Variants in THADA observed in about 807,000 individuals in gnomAD.
THADA encodes the protein tRNA (32-2'-O)-methyltransferase regulator THADA.
In THADA, 213 loss-of-function variants were observed where a neutral mutation model predicts 219.8. The ratio of observed to expected loss-of-function variants is 0.97; its 90% CI spans 0.87 to 1.09. The LOEUF is 1.09. THADA is among the 50% of genes least tolerant of loss of function. The pLI is 0.00. For missense variants in THADA, 2,956 were observed against 2,311.3 expected (o/e 1.28, Z -5.72); for synonymous variants, 1,018 against 828.9 (o/e 1.23, Z -3.92).
rs772903887 is a variant in THADA at position 43,592,052 on chromosome 2, T to A, written c.77-6A>T. ...CCCTTCCACATCAGCAAAAGCTATA[T>A]AACATATACAAAAAAAAATTTTCAA... On this transcript the variant is annotated splice_region_variant and splice_polypyrimidine_tract_variant and intron_variant, in intron 2 of 37. Transcript: ENST00000405975. The A allele has an allele frequency of 3.9e-6, 6 of 1,533,228 alleles. No individual in the cohort carries two copies. The East Asian group carries it at 1.2e-4, about 31-fold the overall frequency. 95.0% of individuals were successfully genotyped at this position (1,533,228 alleles called of 1,614,324 possible).
chr2:43,544,207 G>T (rs967853221), intron 20 of THADA, among the ~76,000 whole-genome samples: 8 of 152,106 alleles, frequency 5.3e-5, no homozygotes, highest in Non-Finnish European at 1.2e-4. Context: ...TTATTTCTGA[G>T]GGCTCTGTTC....
chr2:43,255,934 C>G (rs1307412599), intron 36 of THADA, among the ~76,000 whole-genome samples: 1 of 152,188 alleles, frequency 6.6e-6, no homozygotes, highest in South Asian at 2.1e-4. Context: ...ATGGAGCTGC[C>G]TCCTTTACAG....
In THADA at chr2:43,508,583, GGTTAGGATACAC is replaced by G. The variant is rs1435480416; in HGVS notation, c.3507+53_3507+64del. The G allele has an allele frequency of 1.6e-4, 253 of 1,534,810 alleles. No homozygotes were observed. The East Asian group carries it at 5.6e-3, about 34-fold the overall frequency. On this transcript the variant is annotated intron_variant, in intron 23 of 37. Coordinates refer to ENST00000405975, the MANE Select transcript of THADA (RefSeq NM_022065.5). ...AATACGCTCACTCACACGTCAAACA[GGTTAGGATACAC>G]TATCATCAAAAGACAAATATAAACA...
At chr2:43,551,566 C>A (rs948552829) in intron 19 of THADA, among the ~76,000 whole-genome samples, 1 of 149,316 alleles carries the variant, frequency 6.7e-6, no homozygotes, top group South Asian at 2.1e-4. Context: ...TAGAAGGTAC[C>A]GTGCTCATCC....
chr2:43,505,498 G>A (rs1230762551), intron 24 of THADA, 124 bp downstream of exon 24: 1 of 593,934 alleles, frequency 1.7e-6, no homozygotes, highest in Non-Finnish European at 2.9e-6. Flanking sequence ...AGGTTGCAGT[G>A]AGCTGAGATC....
intron 26 of THADA, among the ~76,000 whole-genome samples, chr2:43,484,955 A>C (rs1479456477): frequency 1.5e-5 from 2 of 135,338 alleles, no homozygotes; most frequent in African/African-American, 6.2e-5. Flanking sequence ...AAAAAAAAAC[A>C]AAAAAAACAC....
chr2:43,464,612 G>A (rs530766379), intron 26 of THADA, among the ~76,000 whole-genome samples: 20 of 152,252 alleles, frequency 1.3e-4, no homozygotes, highest in African/African-American at 4.8e-4. Flanking sequence ...GTCATCACAT[G>A]AGCTACATAA....
chr2:43,358,837 T>C (rs1669164909), intron 29 of THADA, among the ~76,000 whole-genome samples: 1 of 152,214 alleles, frequency 6.6e-6, no homozygotes, highest in Admixed American at 6.5e-5. Flanking sequence ...ATGGAATTTT[T>C]TTCCCCTCTT....
At chr2:43,578,314 C>CT (rs34796084) in intron 9 of THADA, among the ~76,000 whole-genome samples, 199 bp downstream of exon 9, 22,641 of 141,626 alleles carry the variant, frequency 0.16, 2,134 homozygotes, top group African/African-American at 0.27. Context: ...AGCAAATTTT[C>CT]TTTTTTTTTT....
At chr2:43,349,941 C>T (rs1293365795) in intron 29 of THADA, among the ~76,000 whole-genome samples, 1 of 152,224 alleles carries the variant, frequency 6.6e-6, no homozygotes, top group African/African-American at 2.4e-5. Context: ...TCTCCCTGCA[C>T]TGCTTCAACC....
chr2:43,290,848 T>C (rs1034432471), intron 34 of THADA, among the ~76,000 whole-genome samples: 1 of 152,010 alleles, frequency 6.6e-6, no homozygotes, highest in Non-Finnish European at 1.5e-5. Flanking sequence ...TCTTAAGACA[T>C]CTTCCCAGGA....
chr2:43,405,386 G>C (rs1036072784), intron 28 of THADA, among the ~76,000 whole-genome samples: 5 of 152,188 alleles, frequency 3.3e-5, no homozygotes, highest in African/African-American at 9.6e-5. Flanking sequence ...TGCACGACCT[G>C]TAAGTATTAA....
chr2:43,556,241 T>C, intron 17 of THADA, 104 bp downstream of exon 17: 1 of 1,519,546 alleles, frequency 6.6e-7, no homozygotes, highest in Non-Finnish European at 8.8e-7. Context: ...GATAAACTTT[T>C]AAATAAAAAA....
intron 36 of THADA, among the ~76,000 whole-genome samples, chr2:43,240,303 G>A (rs995247488): frequency 1.3e-5 from 2 of 152,196 alleles, no homozygotes; most frequent in Admixed American, 6.5e-5. Flanking sequence ...GAGTGTTACT[G>A]CACTTTCTTT....
At chr2:43,248,794 C>T (rs1669525617) in intron 36 of THADA, among the ~76,000 whole-genome samples, 1 of 152,188 alleles carries the variant, frequency 6.6e-6, no homozygotes, top group South Asian at 2.1e-4. Flanking sequence ...GCCGCTTCCA[C>T]AGGCTTCCTG....
intron 17 of THADA, 63 bp from the exon 18 acceptor site, chr2:43,552,402 C>A: frequency 1.3e-6 from 2 of 1,511,008 alleles, no homozygotes; most frequent in South Asian, 1.3e-5. Flanking sequence ...AATGTACGAA[C>A]AGCAAAATAG....
At chr2:43,588,317 C>T (rs1379047465) in intron 4 of THADA, among the ~76,000 whole-genome samples, 2 of 151,394 alleles carry the variant, frequency 1.3e-5, no homozygotes, top group African/African-American at 4.9e-5. Context: ...TAGTATAAGG[C>T]CTGCAAATAA....
intron 36 of THADA, among the ~76,000 whole-genome samples, chr2:43,257,213 C>T (rs942445962): frequency 3.9e-5 from 6 of 152,292 alleles, no homozygotes; most frequent in South Asian, 4.1e-4. Context: ...CACAGGGGGA[C>T]GTCAGAAAGT....
intron 29 of THADA, among the ~76,000 whole-genome samples, chr2:43,383,388 T>C (rs1672264945): frequency 1.3e-5 from 2 of 152,166 alleles, no homozygotes; most frequent in African/African-American, 4.8e-5. Context: ...AACACAAAGC[T>C]ATATATGAGT....
Sources: gnomAD v4.1 joint callset for allele counts (sites outside exome capture counted in the v4.1 genomes callset) on GRCh38, gnomAD v4.1.1 for gene constraint, MANE v1.5 for transcripts, NCBI Gene and HGNC (gene_info 2026-07-23, HGNC 2026-07-21) for gene names.